SAMHD1: variants seen among roughly 807,000 people sequenced by gnomAD.
SAMHD1 encodes SAM and HD domain containing deoxynucleoside triphosphate triphosphohydrolase 1.
A neutral mutation model predicts 79.6 loss-of-function variants in SAMHD1; 54 were observed. The observed-to-expected ratio is 0.68, with a 90% CI of 0.55 to 0.85. SAMHD1 has a LOEUF of 0.85. Among genes scored for constraint, SAMHD1 ranks in the 40% least tolerant of loss-of-function variants. The pLI, the probability that SAMHD1 is intolerant of heterozygous loss-of-function variation, is 0.00. For missense variants in SAMHD1, 663 were observed against 782.7 expected, an observed-to-expected ratio of 0.85 and a Z score of 1.82; for synonymous variants, 260 against 264.1, an observed-to-expected ratio of 0.98 and a Z score of 0.15.
chr20:36,943,909 C>T (rs1211269376), intron 2 of SAMHD1, among the ~76,000 whole-genome samples: 1 of 151,688 alleles, frequency 6.6e-6, no homozygotes, highest in East Asian at 1.9e-4. Context: ...GAAACCCTGT[C>T]TCTACTAAAA....
rs889518882 is a variant in SAMHD1 at position 36,904,190 on chromosome 20, G to A, written c.1470C>T (p.Asp490=). 9.9e-6 allele frequency: 16 copies of A among 1,613,552 alleles called. No homozygotes were observed. In the East Asian group the frequency reaches 1.1e-4, roughly 11 times the overall value. ...VASAKPKVLL[D]VKLKAEDFIV... ...TAAAATCTTCAGCCTTCAGTTTCAC[G>A]TCTAGCAATACTTTGGGTTTAGCAC... Residue 490 remains aspartate (D), a synonymous_variant, in exon 13 of 16, where the codon GAC becomes GAT. Transcript: ENST00000646673.
At chr20:36,926,954 A>G in intron 6 of SAMHD1, 1 of 494,522 alleles carries the variant, frequency 2.0e-6, no homozygotes, top group Non-Finnish European at 3.6e-6. Context: ...CACATCCAAG[A>G]GTTTCAAGTT....
intron 3 of SAMHD1, 179 bp downstream of exon 3, chr20:36,940,860 C>T (rs1254193808): frequency 3.2e-6 from 2 of 618,952 alleles, no homozygotes; most frequent in South Asian, 1.9e-5. Flanking sequence ...TTTAGTTCTT[C>T]TTCTGATTTA....
intron 2 of SAMHD1, among the ~76,000 whole-genome samples, 161 bp from the exon 3 acceptor site, chr20:36,941,272 C>T (rs1189861000): frequency 2.0e-5 from 3 of 152,118 alleles, no homozygotes; most frequent in Middle Eastern, 3.2e-3. Context: ...AAACTCTCTC[C>T]TTCCTTTGCT....
At chr20:36,910,421 A>C (rs1489491096) in intron 11 of SAMHD1, among the ~76,000 whole-genome samples, 1 of 151,798 alleles carries the variant, frequency 6.6e-6, no homozygotes, top group African/African-American at 2.4e-5. Flanking sequence ...TAAATAAAAA[A>C]AAATTAAATT....
chr20:36,911,129 TA>T, intron 11 of SAMHD1, 88 bp downstream of exon 11: 1 of 752,386 alleles, frequency 1.3e-6, no homozygotes. Context: ...AAATGAAAAA[TA>T]AAAGAAAGAA....
intron 1 of SAMHD1, among the ~76,000 whole-genome samples, chr20:36,947,310 G>GGTGT (rs35061251): frequency 0.13 from 11,127 of 85,070 alleles, 1,785 homozygotes; most frequent in East Asian, 0.2. Context: ...ATTTGGAAGA[G>GGTGT]GTGTGTGTGT....
At chr20:36,936,179 G>T (rs902178907) in intron 3 of SAMHD1, among the ~76,000 whole-genome samples, 26 of 152,018 alleles carry the variant, frequency 1.7e-4, no homozygotes, top group Non-Finnish European at 1.0e-4. Context: ...GATCAAGGCT[G>T]CAGTAACCTA....
chr20:36,895,676 T>C (rs1990184024), intron 15 of SAMHD1, among the ~76,000 whole-genome samples: 1 of 152,096 alleles, frequency 6.6e-6, no homozygotes. Flanking sequence ...CAAACTTTAA[T>C]AGCCTCTCTT....
At chr20:36,947,867 T>C (rs1297277380) in intron 1 of SAMHD1, among the ~76,000 whole-genome samples, 2 of 152,076 alleles carry the variant, frequency 1.3e-5, no homozygotes, top group Non-Finnish European at 1.5e-5. Context: ...AGTTGAGGTC[T>C]CCTGATGTTG....
In SAMHD1 at chr20:36,919,392, G is replaced by C; in HGVS notation, c.824C>G (p.Pro275Arg). The C allele has an allele frequency of 6.2e-7, 1 of 1,613,496 alleles. No individual in the cohort carries two copies. The highest frequency in any genetic ancestry group is 8.5e-7 in the Non-Finnish European group (1 of 1,179,660). ...ICFIKEQIVG[P>R]LESPVEDSLW... Reference sequence around the variant, plus strand: ...TGAATCTTCGACAGGTGATTCAAGTGGTCCTACAATTTGTTCCTTTATAAA... The same window carrying C: ...TGAATCTTCGACAGGTGATTCAAGTCGTCCTACAATTTGTTCCTTTATAAA... The change falls in exon 7 of 16, where the codon CCA (proline) becomes CGA (arginine). Residue 275 changes from proline (P) to arginine (R), a missense_variant. Physicochemically the swap from Pro to Arg is moderately radical, Grantham distance 103 (BLOSUM62 -2). Coordinates refer to ENST00000646673, the MANE Select transcript of SAMHD1 (RefSeq NM_015474.4).
intron 1 of SAMHD1, among the ~76,000 whole-genome samples, chr20:36,948,627 G>A (rs1186084181): frequency 2.0e-5 from 3 of 151,554 alleles, no homozygotes; most frequent in African/African-American, 7.3e-5. Flanking sequence ...CCAGCACTTT[G>A]GGAGGCCAAG....
At chr20:36,918,365 T>C (rs1239515190) in intron 7 of SAMHD1, among the ~76,000 whole-genome samples, 1 of 151,650 alleles carries the variant, frequency 6.6e-6, no homozygotes, top group African/African-American at 2.4e-5. Flanking sequence ...ACGCCTGCAA[T>C]CCCAGTATTT....
In SAMHD1 at chr20:36,892,446, T is replaced by C. The variant is rs1306854080; in HGVS notation, c.*486A>G. On this transcript the variant is annotated 3_prime_UTR_variant, in exon 16 of 16. Transcript: ENST00000646673. ...AATGTCAATTTCTAGTTCCAATTTG[T>C]ACCCTTGTCTCATTTCTACATTAAA... 5.1e-6 allele frequency: 1 copy of C among 194,592 alleles called. No homozygotes were observed. Among genetic ancestry groups the C allele is most frequent in the African/African-American group, 2.4e-5 (1 of 41,830 alleles). The allele number at this position is 194,592 out of a possible 1,614,324, so 12.1% of individuals were successfully genotyped here.
At chr20:36,906,796 A>AT (rs376198153) in intron 11 of SAMHD1, among the ~76,000 whole-genome samples, 25,940 of 145,124 alleles carry the variant, frequency 0.18, 2,550 homozygotes, top group Middle Eastern at 0.24. Flanking sequence ...TATCTGTGCA[A>AT]TTTTTTTTTT....
rs2063735256 is a variant in SAMHD1, at chr20:36,951,592, T to C, written c.52A>G (p.Ser18Gly). 1.2e-6 allele frequency: 2 copies of C among 1,614,042 alleles called. No homozygotes were observed. The highest frequency in any genetic ancestry group is 2.7e-5 in the African/African-American group (2 of 74,934). ...QPSKRPRCDD[S>G]PRTPSNTPSA... is the part of the protein sequence containing the mutation. ...GGGGTGTTTGAGGGGGTTCTCGGGCTGTCATCGCAACGGGGACGCTTGGAG... is the reference window on the plus strand; with the variant it reads ...GGGGTGTTTGAGGGGGTTCTCGGGCCGTCATCGCAACGGGGACGCTTGGAG... Residue 18 changes from serine (S) to glycine (G), a missense_variant, in exon 1 of 16, where the codon AGC becomes GGC. Transcript: ENST00000646673.
intron 13 of SAMHD1, 81 bp downstream of exon 13, chr20:36,904,076 G>T: frequency 2.1e-6 from 2 of 974,536 alleles, no homozygotes; most frequent in Non-Finnish European, 1.7e-6. Flanking sequence ...TTGCTAAAAT[G>T]AACATGTACT....
At position 36,927,187 on chromosome 20, in the gene SAMHD1, A is replaced by G. The variant is rs752112108; in HGVS notation, c.691T>C (p.Trp231Arg). 1 of 1,613,362 alleles carries G rather than the reference A, an allele frequency of 6.2e-7. No individual in the cohort carries two copies. Among genetic ancestry groups the G allele is most frequent in the Non-Finnish European group, 8.5e-7 (1 of 1,179,326 alleles). Reference sequence around the variant, plus strand: ...TTGACTGTATGAATACATACCGTCCATTTCACCTCCGGGCGAGCAAGTGGA... The same window carrying G: ...TTGACTGTATGAATACATACCGTCCGTTTCACCTCCGGGCGAGCAAGTGGA... Reference protein sequence around the residue: ...FIPLARPEVKWTHEQGSVMMF... With the variant: ...FIPLARPEVKRTHEQGSVMMF... The change falls in exon 6 of 16, where the codon TGG becomes CGG. Residue 231 changes from tryptophan (W) to arginine (R), a missense_variant. Physicochemically the swap from Trp to Arg is moderately radical, Grantham distance 101 (BLOSUM62 -3). Transcript: ENST00000646673.
rs1287025068 is a variant in SAMHD1 at position 36,951,513 on chromosome 20, G to A, written c.131C>T (p.Thr44Ile). The A allele has an allele frequency of 1.2e-6, 2 of 1,614,198 alleles. No homozygotes were observed. Among genetic ancestry groups the A allele is most frequent in the Non-Finnish European group, 1.7e-6 (2 of 1,180,008 alleles). ...GGAGCACACCTGCTCCGGACCCCAT[G>A]TCTTGTAGTCGGGATGGAGTTCCAG... Reference protein sequence around the residue: ...PGLELHPDYKTWGPEQVCSFL... With the variant: ...PGLELHPDYKIWGPEQVCSFL... Residue 44 changes from threonine to isoleucine, a missense_variant, in exon 1 of 16, where the codon ACA becomes ATA. Transcript: ENST00000646673.
Sources: gnomAD v4.1 joint callset for allele counts (sites outside exome capture counted in the v4.1 genomes callset) on GRCh38, gnomAD v4.1.1 for gene constraint, MANE v1.5 for transcripts, NCBI Gene and HGNC (gene_info 2026-07-23, HGNC 2026-07-21) for gene names.